SORCS2: variants seen among roughly 807,000 people sequenced by gnomAD.
SORCS2 encodes VPS10 domain-containing receptor SorCS2.
SORCS2 carries 100 observed loss-of-function variants against 141.6 expected under a neutral mutation model. The ratio of observed to expected loss-of-function variants is 0.71; its 90% CI spans 0.60 to 0.83. The LOEUF (loss-of-function observed/expected upper bound fraction) is 0.83, where lower values mean the gene tolerates loss of function less well. Among genes scored for constraint, SORCS2 ranks in the 40% least tolerant of loss-of-function variants. The probability of loss-of-function intolerance (pLI) is 0.00; values close to 1 mark genes in which losing one functional copy is unlikely to be tolerated. For missense variants in SORCS2, 1,646 were observed against 1,560.2 expected (o/e 1.05, Z -0.93); for synonymous variants, 789 against 676.9 (o/e 1.17, Z -2.57).
In SORCS2 at chr4:7,742,641, C is replaced by T. The variant is rs1468961196; in HGVS notation, c.*2377C>T. The T allele has an allele frequency of 1.3e-5, 2 of 152,250 alleles. No individual in the cohort carries two copies. The highest frequency in any genetic ancestry group is 2.9e-5 in the Non-Finnish European group (2 of 68,058). The allele number at this position is 152,250 out of a possible 1,614,324, so 9.4% of individuals were successfully genotyped here. A position where few individuals can be genotyped will look rare whatever the true frequency, so the allele number is the denominator to read the frequency against. ...TGGAGATCCAGGCGTGGGCCCGTGT[C>T]TGTCCCTGGTTGTAAATTCGAGGGT... On this transcript the variant is annotated 3_prime_UTR_variant, in exon 27 of 27. Transcript: ENST00000507866.
intron 2 of SORCS2, among the ~76,000 whole-genome samples, chr4:7,522,014 G>T (rs1733360296): frequency 6.6e-6 from 1 of 152,236 alleles, no homozygotes; most frequent in Non-Finnish European, 1.5e-5. Flanking sequence ...CTCTGTTCCT[G>T]CTTCGTGCAT....
At chr4:7,679,991 C>T (rs1271894482) in intron 9 of SORCS2, among the ~76,000 whole-genome samples, 3 of 152,184 alleles carry the variant, frequency 2.0e-5, no homozygotes, top group African/African-American at 7.2e-5. Context: ...ATCCTTCTAC[C>T]TGCCCTGAGG....
At chr4:7,677,941 GGGTGGGT>G (rs1723271964) in intron 9 of SORCS2, among the ~76,000 whole-genome samples, 2 of 152,168 alleles carry the variant, frequency 1.3e-5, no homozygotes, top group Admixed American at 1.3e-4. Context: ...GGAAGGCAGT[GGGTGGGT>G]GGTGATGGGA....
intron 1 of SORCS2, among the ~76,000 whole-genome samples, chr4:7,315,859 G>C (rs183303672): frequency 8.5e-5 from 13 of 152,134 alleles, no homozygotes; most frequent in African/African-American, 2.9e-4. Context: ...GGGAGTGGGG[G>C]AGGAAGAGGG....
chr4:7,284,866 C>T (rs1716104156), intron 1 of SORCS2, among the ~76,000 whole-genome samples: 1 of 152,066 alleles, frequency 6.6e-6, no homozygotes, highest in Admixed American at 6.6e-5. Context: ...TCCTTCCGGC[C>T]TCTTCTGGTT....
intron 2 of SORCS2, among the ~76,000 whole-genome samples, chr4:7,422,684 C>A (rs1161212960): frequency 6.6e-6 from 1 of 152,158 alleles, no homozygotes; most frequent in Non-Finnish European, 1.5e-5. Context: ...TGCAATTCCT[C>A]CAGGATGTCC....
Position 7,741,198 on chromosome 4 carries a change from G to T in SORCS2, c.*934G>T, listed in dbSNP as rs1329914476. On this transcript the variant is annotated 3_prime_UTR_variant, in exon 27 of 27. Coordinates refer to ENST00000507866, the MANE Select transcript of SORCS2 (RefSeq NM_020777.3). ...TACCAGTTTTCTGCAGTTCCTTATA[G>T]GCGAAGGGAACCGGGTGGAAACCAA... The T allele has an allele frequency of 3.0e-5, 12 of 398,716 alleles. No individual in the cohort carries two copies. The highest frequency in any genetic ancestry group is 1.9e-4 in the African/African-American group (9 of 48,614). The allele number at this position is 398,716 out of a possible 1,614,324, so 24.7% of individuals were successfully genotyped here.
chr4:7,719,703 G>A (rs758979564), intron 18 of SORCS2, among the ~76,000 whole-genome samples: 7 of 152,204 alleles, frequency 4.6e-5, no homozygotes, highest in Non-Finnish European at 1.0e-4. Context: ...AGACCCCGCT[G>A]CGGCTGCCCG....
intron 12 of SORCS2, among the ~76,000 whole-genome samples, chr4:7,697,838 G>A (rs1284245844): frequency 1.3e-5 from 2 of 151,894 alleles, no homozygotes; most frequent in African/African-American, 4.8e-5. Flanking sequence ...CCCGAGAAGA[G>A]AAAGGAAGTG....
intron 2 of SORCS2, among the ~76,000 whole-genome samples, chr4:7,441,185 G>A (rs996465903): frequency 2.0e-5 from 3 of 152,216 alleles, no homozygotes; most frequent in Admixed American, 6.5e-5. Flanking sequence ...GAGGGCAGGT[G>A]AAGAGTGAGG....
At position 7,372,043 on chromosome 4, in the gene SORCS2, A is replaced by C. The variant is rs527240675; in HGVS notation, c.481-24245A>C. On this transcript the variant is annotated intron_variant, in intron 1 of 26. Transcript: ENST00000507866. ...AGCAGTATGGGCGACTTGTGTGGAC[A>C]GGGTGAACAAGTGGGTCTTGGGATA... 3.9e-5 allele frequency among the ~76,000 whole-genome samples: 6 copies of C among 152,258 alleles called. No homozygotes were observed. In the South Asian group the frequency reaches 1.2e-3, roughly 32 times the overall value.
intron 18 of SORCS2, among the ~76,000 whole-genome samples, chr4:7,719,114 C>G (rs564738170): frequency 5.3e-4 from 80 of 152,362 alleles, no homozygotes; most frequent in African/African-American, 1.9e-3. Flanking sequence ...ACACTTGGCT[C>G]TCCGGTGAAC....
At chr4:7,597,943 G>A (rs572452782) in intron 3 of SORCS2, among the ~76,000 whole-genome samples, 4 of 151,574 alleles carry the variant, frequency 2.6e-5, no homozygotes, top group Non-Finnish European at 5.9e-5. Flanking sequence ...TGGTCAGTGG[G>A]GATGACAGTT....
chr4:7,340,004 G>A lies in SORCS2; in HGVS notation c.481-56284G>A, dbSNP rs540924579. ...GCGAGGAGAGGCTGGGGGCTTGTCCGGGGTCAGAGATGCTGATAATTAGGA... is the reference window on the plus strand; with the variant it reads ...GCGAGGAGAGGCTGGGGGCTTGTCCAGGGTCAGAGATGCTGATAATTAGGA... On this transcript the variant is annotated intron_variant, in intron 1 of 26. Coordinates refer to ENST00000507866, the MANE Select transcript of SORCS2 (RefSeq NM_020777.3). 7.2e-5 allele frequency among the ~76,000 whole-genome samples: 11 copies of A among 152,348 alleles called. No individual in the cohort carries two copies. In the South Asian group the frequency reaches 8.3e-4, roughly 11 times the overall value.
intron 2 of SORCS2, among the ~76,000 whole-genome samples, chr4:7,530,897 A>G (rs1249392540): frequency 6.6e-6 from 1 of 152,082 alleles, no homozygotes; most frequent in Non-Finnish European, 1.5e-5. Flanking sequence ...AGCAGATGCC[A>G]CTCCAGGGCG....
chr4:7,560,760 C>T (rs540413387), intron 3 of SORCS2, among the ~76,000 whole-genome samples: 42 of 152,120 alleles, frequency 2.8e-4, no homozygotes, highest in Non-Finnish European at 4.3e-4. Context: ...GAGCTTTGCC[C>T]GACATTCCAT....
At chr4:7,609,392 A>G (rs1718262195) in intron 3 of SORCS2, among the ~76,000 whole-genome samples, 1 of 152,092 alleles carries the variant, frequency 6.6e-6, no homozygotes, top group Non-Finnish European at 1.5e-5. Context: ...CTGTGGATCA[A>G]TGTGGCAGTC....
At chr4:7,479,159 G>A (rs7675834) in intron 2 of SORCS2, among the ~76,000 whole-genome samples, 14 of 151,676 alleles carry the variant, frequency 9.2e-5, no homozygotes, top group Admixed American at 9.2e-4. Context: ...AACGCCAGCA[G>A]CCAGCTGCCC....
At chr4:7,242,107 G>A (rs1015701386) in intron 1 of SORCS2, among the ~76,000 whole-genome samples, 4 of 152,186 alleles carry the variant, frequency 2.6e-5, no homozygotes, top group Non-Finnish European at 4.4e-5. Context: ...GCACTGATTC[G>A]GTAGGGCCTT....
Sources: gnomAD v4.1 joint callset for allele counts (sites outside exome capture counted in the v4.1 genomes callset) on GRCh38, gnomAD v4.1.1 for gene constraint, MANE v1.5 for transcripts, NCBI Gene and HGNC (gene_info 2026-07-23, HGNC 2026-07-21) for gene names.